Variants in KCNT2 observed in about 807,000 individuals in gnomAD.
The protein encoded by KCNT2 is potassium channel subfamily T member 2.
Under a neutral mutation model 153.8 loss-of-function variants are expected in KCNT2, and 67 were observed. The observed-to-expected ratio is 0.44, with a 90% confidence interval of 0.36 to 0.53. KCNT2 has a LOEUF of 0.53. Ranked by LOEUF, KCNT2 falls within the 20% of genes least tolerant of loss-of-function variation. The probability of loss-of-function intolerance (pLI) is 0.00; values close to 1 mark genes in which losing one functional copy is unlikely to be tolerated. For synonymous variants in KCNT2, 500 were observed against 458.8 expected, an observed-to-expected ratio of 1.09 and a Z score of -1.15; for missense variants, 975 against 1,354.8, an observed-to-expected ratio of 0.72 and a Z score of 4.40.
intron 14 of KCNT2, among the ~76,000 whole-genome samples, chr1:196,344,106 T>A (rs1558172907): frequency 6.6e-6 from 1 of 152,180 alleles, no homozygotes; most frequent in Non-Finnish European, 1.5e-5. Flanking sequence ...TGTGAGTTAT[T>A]TAACTTTTCA....
chr1:196,342,098 A>G lies in KCNT2; in HGVS notation c.1534T>C (p.Ser512Pro). ...EYEGKSFTYA[S>P]FHAHKKFGVC... ...ACATACTTTTTGTGTGCATGGAAAG[A>G]GGCATATGTAAAACTCTTTCCTTCA... The change falls in exon 15 of 28, where the codon TCT (serine) becomes CCT (proline). Residue 512 changes from serine to proline, a missense_variant. Physicochemically the swap from Ser to Pro is moderately conservative, Grantham distance 74 (BLOSUM62 -1). This residue lies in a region of KCNT2 where 325 missense variants were observed against 388.1 expected (regional missense o/e 0.84). Transcript: ENST00000294725. 6.2e-7 allele frequency: 1 copy of G among 1,604,556 alleles called. No individual in the cohort carries two copies. Among genetic ancestry groups the G allele is most frequent in the Non-Finnish European group, 8.5e-7 (1 of 1,175,546 alleles).
intron 22 of KCNT2, among the ~76,000 whole-genome samples, chr1:196,300,166 T>C (rs1661052022): frequency 6.6e-6 from 1 of 152,208 alleles, no homozygotes; most frequent in South Asian, 2.1e-4. Context: ...TAGGTAATGA[T>C]GGCTTGAGAA....
intron 13 of KCNT2, among the ~76,000 whole-genome samples, chr1:196,384,276 G>A (rs1232479676): frequency 6.6e-6 from 1 of 152,048 alleles, no homozygotes; most frequent in Admixed American, 6.6e-5. Flanking sequence ...GTAAAGTTTT[G>A]TTTGATAAAA....
At chr1:196,543,882 G>A (rs1002531711) in intron 1 of KCNT2, among the ~76,000 whole-genome samples, 7 of 152,056 alleles carry the variant, frequency 4.6e-5, no homozygotes, top group Admixed American at 1.3e-4. Flanking sequence ...TCCAGCAGTC[G>A]TACTCAGGCA....
intron 1 of KCNT2, among the ~76,000 whole-genome samples, chr1:196,599,770 C>T (rs918823786): frequency 1.3e-5 from 2 of 152,162 alleles, no homozygotes; most frequent in African/African-American, 2.4e-5. Context: ...AAGATAAATA[C>T]GTTCAATCTA....
chr1:196,343,653 C>T (rs1248618518), intron 14 of KCNT2, among the ~76,000 whole-genome samples: 1 of 152,142 alleles, frequency 6.6e-6, no homozygotes, highest in African/African-American at 2.4e-5. Flanking sequence ...AAGTATGCCT[C>T]ATTGCTGCCT....
intron 26 of KCNT2, among the ~76,000 whole-genome samples, chr1:196,243,866 G>T (rs146728483): frequency 8.5e-5 from 13 of 152,232 alleles, no homozygotes; most frequent in African/African-American, 3.1e-4. Flanking sequence ...CAGCTGGGAT[G>T]GCCAAGGGAG....
At chr1:196,448,767 G>C (rs1013219642) in intron 8 of KCNT2, among the ~76,000 whole-genome samples, 3 of 151,604 alleles carry the variant, frequency 2.0e-5, no homozygotes, top group Non-Finnish European at 3.0e-5. Flanking sequence ...CACACAGCAA[G>C]AAAGAGGTAC....
chr1:196,311,574 G>A (rs1221202153), intron 21 of KCNT2, among the ~76,000 whole-genome samples: 1 of 151,766 alleles, frequency 6.6e-6, no homozygotes, highest in Non-Finnish European at 1.5e-5. Flanking sequence ...AACCCAAGGG[G>A]ACTTCTCAAC....
chr1:196,295,237 A>T (rs1170047096), intron 22 of KCNT2, among the ~76,000 whole-genome samples: 1 of 151,848 alleles, frequency 6.6e-6, no homozygotes, highest in Non-Finnish European at 1.5e-5. Context: ...AGAATAAAAC[A>T]TTTGTACTTT....
At chr1:196,329,368 G>A (rs776424195) in intron 18 of KCNT2, among the ~76,000 whole-genome samples, 41 of 152,018 alleles carry the variant, frequency 2.7e-4, no homozygotes, top group Admixed American at 3.3e-4. Flanking sequence ...CATTAATATG[G>A]TAAAGAGACA....
intron 3 of KCNT2, among the ~76,000 whole-genome samples, chr1:196,483,147 G>A (rs376411310): frequency 2.0e-5 from 3 of 152,118 alleles, no homozygotes; most frequent in Non-Finnish European, 4.4e-5. Flanking sequence ...GTAGTTTTTC[G>A]CATTTAAGTA....
intron 1 of KCNT2, among the ~76,000 whole-genome samples, chr1:196,535,375 A>G (rs546230065): frequency 1.3e-5 from 2 of 152,336 alleles, no homozygotes; most frequent in Admixed American, 1.3e-4. Flanking sequence ...TAAAGATAGT[A>G]TCAGTAACAC....
intron 14 of KCNT2, among the ~76,000 whole-genome samples, chr1:196,371,924 G>A (rs559400462): frequency 6.6e-6 from 1 of 152,184 alleles, no homozygotes; most frequent in African/African-American, 2.4e-5. Context: ...GTCTGAGTCT[G>A]TACGAAGACG....
intron 14 of KCNT2, among the ~76,000 whole-genome samples, chr1:196,358,778 T>C (rs1184288410): frequency 6.6e-6 from 1 of 151,960 alleles, no homozygotes; most frequent in Non-Finnish European, 1.5e-5. Flanking sequence ...GAACAGAAGT[T>C]GTTGCTCTCC....
At chr1:196,318,542 C>G (rs1261877663) in intron 20 of KCNT2, among the ~76,000 whole-genome samples, 3 of 151,670 alleles carry the variant, frequency 2.0e-5, no homozygotes, top group Admixed American at 2.0e-4. Context: ...TAAATTTTAA[C>G]AGAACACTAT....
chr1:196,242,572 A>G (rs2102263759), intron 26 of KCNT2, among the ~76,000 whole-genome samples: 1 of 152,260 alleles, frequency 6.6e-6, no homozygotes. Context: ...CTTACAGAAC[A>G]TTTTTATGAT....
intron 13 of KCNT2, among the ~76,000 whole-genome samples, chr1:196,387,965 G>C (rs943808235): frequency 1.4e-5 from 2 of 147,702 alleles, no homozygotes; most frequent in African/African-American, 5.0e-5. Context: ...TGTGGTTTTC[G>C]TGTGTCTCAG....
At chr1:196,297,745 C>T (rs907941855) in intron 22 of KCNT2, among the ~76,000 whole-genome samples, 3 of 152,108 alleles carry the variant, frequency 2.0e-5, no homozygotes, top group Non-Finnish European at 4.4e-5. Context: ...TGGCAGGTAG[C>T]ACCAAACTCC....
Sources: gnomAD v4.1 joint callset for allele counts (sites outside exome capture counted in the v4.1 genomes callset) on GRCh38, gnomAD v4.1.1 for gene constraint, gnomAD v4.1.1 regional missense constraint, MANE v1.5 for transcripts, NCBI Gene and HGNC (gene_info 2026-07-23, HGNC 2026-07-21) for gene names.